The following NFIB variants were observed in gnomAD, a reference collection of about 807,000 sequenced individuals.
NFIB encodes the protein nuclear factor 1 B-type.
NFIB carries 11 observed loss-of-function variants against 61.5 expected under a neutral mutation model. That is an observed-to-expected ratio of 0.18 (90% CI 0.11 to 0.30). The LOEUF (loss-of-function observed/expected upper bound fraction) is 0.30. NFIB is among the 10% of genes least tolerant of loss of function. NFIB has a pLI of 1.00. For missense variants in NFIB, 471 were observed against 608.9 expected (o/e 0.77, Z 2.38); for synonymous variants, 260 against 216.5 (o/e 1.20, Z -1.76).
intron 2 of NFIB, among the ~76,000 whole-genome samples, chr9:14,203,648 C>T (rs577656096): frequency 3.3e-5 from 5 of 152,204 alleles, no homozygotes; most frequent in African/African-American, 4.8e-5. Context: ...CCCGCCTCAC[C>T]AAGGGCAAAG....
rs183846915 is a variant in NFIB, at chr9:14,140,860, G to A, written c.925+5829C>T. Among the ~76,000 whole-genome samples, 132 of 152,248 alleles carry A rather than the reference G, an allele frequency of 8.7e-4. 1 individual carries two copies. Among genetic ancestry groups the A allele is most frequent in the Non-Finnish European group, 6.5e-4 (44 of 67,998 alleles). ...GAGGTGGGAGGATCACTTGAACCTG[G>A]GGGGGTCAGGGCTACAGTGAGCCAT... On this transcript the variant is annotated intron_variant, in intron 6 of 10. Transcript: ENST00000380953.
intron 1 of NFIB, chr9:14,347,461 G>A (rs1252352974): frequency 2.0e-5 from 3 of 152,454 alleles, no homozygotes; most frequent in African/African-American, 7.2e-5. Flanking sequence ...GGGCAAACTT[G>A]AGCTGGCAAA....
intron 2 of NFIB, among the ~76,000 whole-genome samples, chr9:14,220,513 G>A (rs1052494877): frequency 3.9e-5 from 6 of 152,126 alleles, no homozygotes; most frequent in African/African-American, 1.2e-4. Context: ...CATACCTAGA[G>A]CACCAAGAAA....
At chr9:14,259,041 T>C (rs1285432709) in intron 2 of NFIB, among the ~76,000 whole-genome samples, 5 of 152,120 alleles carry the variant, frequency 3.3e-5, no homozygotes, top group African/African-American at 1.2e-4. Context: ...ATAATCAAAT[T>C]TGTGGTTTTG....
chr9:14,522,673 A>G, the NFIB span, among the ~76,000 whole-genome samples: 1 of 152,230 alleles, frequency 6.6e-6, no homozygotes, highest in Admixed American at 6.5e-5. Flanking sequence ...AGTGCATGCT[A>G]GAGCATATAT....
At chr9:14,188,678 G>A (rs949710106) in intron 2 of NFIB, among the ~76,000 whole-genome samples, 5 of 152,146 alleles carry the variant, frequency 3.3e-5, no homozygotes, top group African/African-American at 4.8e-5. Flanking sequence ...ATTTGCCAAC[G>A]CAGTTTGCCA....
intron 2 of NFIB, among the ~76,000 whole-genome samples, chr9:14,188,406 C>CT (rs1373049115): frequency 6.6e-6 from 1 of 152,048 alleles, no homozygotes; most frequent in East Asian, 1.9e-4. Context: ...GGCAAGGGTG[C>CT]TAATGTAGAG....
the NFIB span, among the ~76,000 whole-genome samples, chr9:14,472,379 T>A: frequency 2.0e-5 from 3 of 152,176 alleles, no homozygotes; most frequent in African/African-American, 7.2e-5. Flanking sequence ...CAGATCCACT[T>A]TGGAACAAGA....
At chr9:14,442,028 A>T in the NFIB span, among the ~76,000 whole-genome samples, 1 of 152,154 alleles carries the variant, frequency 6.6e-6, no homozygotes, top group Non-Finnish European at 1.5e-5. Flanking sequence ...AGGTCATTTC[A>T]TCCTCAGGAG....
chr9:14,241,695 G>A (rs1382340491), intron 2 of NFIB, among the ~76,000 whole-genome samples: 1 of 151,968 alleles, frequency 6.6e-6, no homozygotes, highest in Non-Finnish European at 1.5e-5. Context: ...TGCTTCCAAA[G>A]GAATAATATG....
the NFIB span, among the ~76,000 whole-genome samples, chr9:14,473,425 T>A: frequency 6.6e-6 from 1 of 152,116 alleles, no homozygotes; most frequent in South Asian, 2.1e-4. Flanking sequence ...TGTAGAAAAG[T>A]CAATTCAAGC....
intron 2 of NFIB, among the ~76,000 whole-genome samples, chr9:14,200,910 G>C (rs1244361250): frequency 1.3e-5 from 2 of 151,980 alleles, no homozygotes; most frequent in African/African-American, 4.8e-5. Flanking sequence ...CACAACCTTT[G>C]TACACTCTTG....
intron 1 of NFIB, among the ~76,000 whole-genome samples, chr9:14,391,331 G>GCCCCCCCCCC (rs59820032): frequency 6.7e-6 from 1 of 148,592 alleles, no homozygotes; most frequent in Non-Finnish European, 1.5e-5. Flanking sequence ...TGCAGGAGAT[G>GCCCCCCCCCC]CCCCCCCCCC....
chr9:14,489,056 A>T, the NFIB span, among the ~76,000 whole-genome samples: 1 of 117,506 alleles, frequency 8.5e-6, no homozygotes, highest in Non-Finnish European at 1.7e-5. Context: ...AAAGTCTGAC[A>T]TTCCAAAAAT....
At chr9:14,503,989 G>A in the NFIB span, among the ~76,000 whole-genome samples, 1 of 152,070 alleles carries the variant, frequency 6.6e-6, no homozygotes, top group Non-Finnish European at 1.5e-5. Context: ...ATCTTGAGTT[G>A]ATTTTTTTAT....
chr9:14,451,087 G>T, the NFIB span, among the ~76,000 whole-genome samples: 83 of 152,294 alleles, frequency 5.4e-4, no homozygotes, highest in African/African-American at 1.9e-3. Context: ...CTGAATCCAG[G>T]TCTGCTCTAG....
At chr9:14,319,564 C>G (rs2060617202) in intron 1 of NFIB, among the ~76,000 whole-genome samples, 1 of 152,154 alleles carries the variant, frequency 6.6e-6, no homozygotes. Context: ...AAATAGCTGA[C>G]CTATAAAGTA....
chr9:14,497,075 G>T, the NFIB span, among the ~76,000 whole-genome samples: 3 of 152,182 alleles, frequency 2.0e-5, no homozygotes, highest in Non-Finnish European at 2.9e-5. Flanking sequence ...ACGAGAACCT[G>T]CCTGTGAGTC....
intron 2 of NFIB, among the ~76,000 whole-genome samples, chr9:14,302,566 A>C (rs1244086203): frequency 2.0e-5 from 3 of 152,224 alleles, no homozygotes. Context: ...CATGTTTAAT[A>C]AGAGTGCAAA....
Sources: allele counts gnomAD v4.1 joint callset (sites outside exome capture counted in the v4.1 genomes callset), GRCh38; gene constraint gnomAD v4.1.1; transcripts MANE v1.5; gene names NCBI Gene and HGNC (gene_info 2026-07-23, HGNC 2026-07-21).